KLHDC4: variants seen among roughly 807,000 people sequenced by gnomAD.
KLHDC4 encodes kelch domain containing 4, also known as kelch domain-containing protein 4.
Under a neutral mutation model 62.4 loss-of-function variants are expected in KLHDC4, and 90 were observed. The ratio of observed to expected loss-of-function variants is 1.44; its 90% CI spans 1.22 to 1.72. The LOEUF (loss-of-function observed/expected upper bound fraction) is 1.72, where lower values mean the gene tolerates loss of function less well. Among genes scored for constraint, KLHDC4 ranks in the 40% most tolerant of loss-of-function variants. KLHDC4 has a pLI of 0.00. For missense variants in KLHDC4, 1,025 were observed against 699.7 expected (o/e 1.47, Z -5.25); for synonymous variants, 386 against 284.4 (o/e 1.36, Z -3.59).
At chr16:87,717,212 C>T (rs889053050) in intron 7 of KLHDC4, among the ~76,000 whole-genome samples, 3 of 152,184 alleles carry the variant, frequency 2.0e-5, no homozygotes, top group African/African-American at 7.2e-5. Flanking sequence ...GCCTGGACGA[C>T]AGAGTGAGAC....
At chr16:87,723,660 G>C (rs912171677) in intron 7 of KLHDC4, among the ~76,000 whole-genome samples, 1 of 152,192 alleles carries the variant, frequency 6.6e-6, no homozygotes, top group African/African-American at 2.4e-5. Context: ...AAAAAAATCG[G>C]GTCATTCCGA....
intron 4 of KLHDC4, among the ~76,000 whole-genome samples, chr16:87,752,771 G>T (rs377702581): frequency 6.6e-5 from 10 of 152,196 alleles, no homozygotes; most frequent in East Asian, 3.9e-4. Context: ...CAAAGATAAT[G>T]AACACCAGGG....
At chr16:87,724,958 G>A (rs1280215249) in intron 7 of KLHDC4, among the ~76,000 whole-genome samples, 1 of 152,188 alleles carries the variant, frequency 6.6e-6, no homozygotes, top group African/African-American at 2.4e-5. Context: ...CAGCCCAGGT[G>A]TCCAACGAAA....
chr16:87,722,607 G>C (rs1360522430), intron 7 of KLHDC4, among the ~76,000 whole-genome samples: 1 of 152,230 alleles, frequency 6.6e-6, no homozygotes, highest in Non-Finnish European at 1.5e-5. Context: ...CTCTTCTCCG[G>C]GCTGAGAGAC....
intron 2 of KLHDC4, among the ~76,000 whole-genome samples, chr16:87,760,770 C>A (rs541520794): frequency 6.6e-6 from 1 of 152,170 alleles, no homozygotes; most frequent in Non-Finnish European, 1.5e-5. Flanking sequence ...CAGCGACTCA[C>A]GCCTGTAATC....
intron 7 of KLHDC4, among the ~76,000 whole-genome samples, chr16:87,722,925 G>A (rs1029673479): frequency 6.6e-6 from 1 of 152,366 alleles, no homozygotes; most frequent in East Asian, 1.9e-4. Context: ...GCGGGTGGCA[G>A]GACCTCCTGG....
At chr16:87,761,810 G>A (rs78887463) in intron 2 of KLHDC4, 139 bp downstream of exon 2, 5 of 847,652 alleles carry the variant, frequency 5.9e-6, no homozygotes, top group Non-Finnish European at 7.6e-6. Context: ...TTCTTCAGCA[G>A]AAAGTGACCA....
chr16:87,705,011 G>C (rs763975387), downstream of KLHDC4, among the ~76,000 whole-genome samples: 1 of 152,258 alleles, frequency 6.6e-6, no homozygotes, highest in African/African-American at 2.4e-5. Context: ...CTGCTGCCAA[G>C]CGGGCCGGCC....
intron 1 of KLHDC4, among the ~76,000 whole-genome samples, chr16:87,764,149 T>C (rs1307156301): frequency 2.6e-5 from 4 of 152,214 alleles, no homozygotes; most frequent in African/African-American, 7.2e-5. Flanking sequence ...TTAGGTTGTA[T>C]TACAGACACA....
intron 5 of KLHDC4, among the ~76,000 whole-genome samples, chr16:87,738,676 C>T: frequency 7.5e-6 from 1 of 133,436 alleles, no homozygotes; most frequent in African/African-American, 2.8e-5. Flanking sequence ...CATCCACACA[C>T]CAGCACCTCA....
Position 87,714,516 on chromosome 16 carries a change from G to A in KLHDC4, c.817C>T (p.Pro273Ser), listed in dbSNP as rs774067954. 4 of 1,614,158 alleles carry A rather than the reference G, an allele frequency of 2.5e-6. No individual in the cohort carries two copies. In the East Asian group the frequency reaches 6.7e-5, roughly 27 times the overall value. The change falls in exon 8 of 12, where the codon CCA (proline) becomes TCA (serine). Residue 273 changes from proline to serine, a missense_variant. Transcript: ENST00000270583. ...TRHSDMFLLKPEDGREDKWVW... is the reference protein window; with the variant it reads ...TRHSDMFLLKSEDGREDKWVW... ...CCTCTACCTTCTCTTCCGTCCTCTG[G>A]CTTCAGCAGGAACATGTCTGAGTGC...
chr16:87,753,119 G>A (rs1183032826), intron 4 of KLHDC4, among the ~76,000 whole-genome samples: 1 of 152,222 alleles, frequency 6.6e-6, no homozygotes, highest in Non-Finnish European at 1.5e-5. Flanking sequence ...GGGACGCAGA[G>A]GCAGCTAAAA....
chr16:87,746,534 C>T (rs1443799985), intron 5 of KLHDC4, among the ~76,000 whole-genome samples: 2 of 152,190 alleles, frequency 1.3e-5, no homozygotes, highest in East Asian at 3.9e-4. Context: ...CCTGCGGAAC[C>T]ACACCCTGGC....
Position 87,755,202 on chromosome 16 carries a change from C to T in KLHDC4, c.361G>A (p.Ala121Thr). Residue 121 changes from alanine (A) to threonine (T), a missense_variant, in exon 4 of 12, where the codon GCT becomes ACT. Transcript: ENST00000270583. ...GTCAGTGCTGACATTACCTGGTGAG[C>T]ACAGCGCCTCGGAGGTGGACTGGGG... ...DIPSPPPRRC[A>T]HQAVVVPQGG... is the part of the protein sequence containing the mutation. 6.2e-7 allele frequency: 1 copy of T among 1,607,230 alleles called. No homozygotes were observed.
chr16:87,747,824 A>C (rs2043261444), intron 5 of KLHDC4: 2 of 152,272 alleles, frequency 1.3e-5, no homozygotes, highest in African/African-American at 2.4e-5. Flanking sequence ...TGACATAACC[A>C]AGCCCGGGCT....
chr16:87,717,806 C>T (rs1220649436), intron 7 of KLHDC4, among the ~76,000 whole-genome samples: 3 of 149,160 alleles, frequency 2.0e-5, no homozygotes, highest in Non-Finnish European at 4.4e-5. Flanking sequence ...TGCTTAGCTT[C>T]GGCAGGTCTC....
Position 87,756,851 on chromosome 16 carries a change from T to C in KLHDC4, c.192-374A>G, listed in dbSNP as rs145851658. On this transcript the variant is annotated intron_variant, in intron 2 of 11. Coordinates refer to ENST00000270583, the MANE Select transcript of KLHDC4 (RefSeq NM_017566.4). Reference sequence around the variant, plus strand: ...TTTTTGAGATGGAGTTTCCCTCTTGTCACCCAGGCTGGAGTGCAATGGCAC... The same window carrying C: ...TTTTTGAGATGGAGTTTCCCTCTTGCCACCCAGGCTGGAGTGCAATGGCAC... 4.9e-3 allele frequency among the ~76,000 whole-genome samples: 748 copies of C among 152,142 alleles called. 6 individuals are homozygous for C. The highest frequency in any genetic ancestry group is 0.018 in the African/African-American group (733 of 41,534).
At chr16:87,749,916 C>T (rs904887733) in intron 4 of KLHDC4, among the ~76,000 whole-genome samples, 2 of 152,214 alleles carry the variant, frequency 1.3e-5, no homozygotes, top group Non-Finnish European at 2.9e-5. Context: ...GACTCAGCAC[C>T]ACAGTAAAGG....
intron 3 of KLHDC4, 103 bp from the exon 4 acceptor site, chr16:87,755,395 A>T (rs2044714230): frequency 4.5e-6 from 3 of 662,046 alleles, no homozygotes; most frequent in Middle Eastern, 2.6e-4. Context: ...CTGACATGCT[A>T]AAGGAATGTA....
Sources: allele counts gnomAD v4.1 joint callset (sites outside exome capture counted in the v4.1 genomes callset), GRCh38; gene constraint gnomAD v4.1.1; transcripts MANE v1.5; gene names NCBI Gene and HGNC (gene_info 2026-07-23, HGNC 2026-07-21).